Variants in GOLGA3 observed in about 807,000 individuals in gnomAD.
The protein encoded by GOLGA3 is golgin A3, also known as golgin subfamily A member 3.
Under a neutral mutation model 169.4 loss-of-function variants are expected in GOLGA3, and 75 were observed. The observed-to-expected ratio is 0.44, with a 90% confidence interval of 0.37 to 0.54. The LOEUF is 0.54. Ranked by LOEUF, GOLGA3 falls within the 20% of genes least tolerant of loss-of-function variation. The pLI is 0.00. For synonymous variants in GOLGA3, 824 were observed against 822.4 expected, an observed-to-expected ratio of 1.00 and a Z score of -0.03; for missense variants, 1,899 against 1,930.0, an observed-to-expected ratio of 0.98 and a Z score of 0.30.
intron 11 of GOLGA3, among the ~76,000 whole-genome samples, chr12:132,795,184 T>G (rs1315525611): frequency 1.4e-5 from 1 of 70,702 alleles, no homozygotes; most frequent in Admixed American, 1.8e-4. Flanking sequence ...AGACTCCATC[T>G]CAAAAAAAAA....
At chr12:132,791,556 C>G (rs532253284) in intron 11 of GOLGA3, among the ~76,000 whole-genome samples, 1 of 151,430 alleles carries the variant, frequency 6.6e-6, no homozygotes, top group South Asian at 2.1e-4. Flanking sequence ...GCCACATCTG[C>G]AGCGATGTTA....
In GOLGA3 at chr12:132,782,440, G is replaced by A. The variant is rs763018526; in HGVS notation, c.3321C>T (p.Asn1107=). Residue 1107 remains asparagine, a synonymous_variant, in exon 17 of 24, where the codon AAC becomes AAT. Coordinates refer to ENST00000450791, the MANE Select transcript of GOLGA3 (RefSeq NM_001389683.1). ...RKKIKRLEES[N]KKLALELEHE... ...GCTCTAATTCAAGAGCCAACTTCTT[G>A]TTTGACTCCTCAAGGCGTTTTATCT... 6.8e-6 allele frequency: 11 copies of A among 1,613,974 alleles called. No individual in the cohort carries two copies. Among genetic ancestry groups the A allele is most frequent in the Non-Finnish European group, 9.3e-6 (11 of 1,179,918 alleles).
At chr12:132,788,416 G>A (rs2046038989) in intron 13 of GOLGA3, among the ~76,000 whole-genome samples, 3 of 152,176 alleles carry the variant, frequency 2.0e-5, no homozygotes, top group African/African-American at 4.8e-5. Flanking sequence ...CAGCCTGGAT[G>A]TCTGGACAGG....
chr12:132,804,608 A>C lies in GOLGA3; in HGVS notation c.1597+108T>G, dbSNP rs1248685728. 1.1e-6 allele frequency: 1 copy of C among 881,132 alleles called. No individual in the cohort carries two copies. Among genetic ancestry groups the C allele is most frequent in the Admixed American group, 2.0e-5 (1 of 49,828 alleles). The allele number at this position is 881,132 out of a possible 1,614,324, so 54.6% of individuals were successfully genotyped here. A position where few individuals can be genotyped will look rare whatever the true frequency, so the allele number is the denominator to read the frequency against. On this transcript the variant is annotated intron_variant, in intron 7 of 23. Coordinates refer to ENST00000450791, the MANE Select transcript of GOLGA3 (RefSeq NM_001389683.1). This position sits in a 1 kb window ranked among gnomAD's most constrained non-coding sequence, Gnocchi z 4.1. ...GTCGAGGAAGGAGGAGGGAGCAGCA[A>C]GGACCAGTCAGGGAAGGAGGAGGGC...
At position 132,769,312 on chromosome 12, in the gene GOLGA3, T is replaced by G. The variant is rs2044789709; in HGVS notation, c.*3793A>C. On this transcript the variant is annotated 3_prime_UTR_variant, in exon 24 of 24. Transcript: ENST00000450791. ...CTCTCAGATTTGCTGGTCCCTCCCC[T>G]CCTAGAATCTTCACGTACAACATTC... 2.0e-5 allele frequency: 3 copies of G among 152,212 alleles called. No individual in the cohort carries two copies. The highest frequency in any genetic ancestry group is 4.4e-5 in the Non-Finnish European group (3 of 68,034). 9.4% of individuals were successfully genotyped at this position (152,212 alleles called of 1,614,324 possible).
At position 132,777,575 on chromosome 12, in the gene GOLGA3, A is replaced by T; in HGVS notation, c.3722+91T>A. The T allele has an allele frequency of 3.5e-6, 5 of 1,432,784 alleles. No homozygotes were observed. The Middle Eastern group carries it at 5.5e-4, about 158-fold the overall frequency. The allele number at this position is 1,432,784 out of a possible 1,614,324, so 88.8% of individuals were successfully genotyped here. A position where few individuals can be genotyped will look rare whatever the true frequency, so the allele number is the denominator to read the frequency against. ...AAGTACTCGGCAATTTGCAAAATAT[A>T]GATGACCCTCGCTGTGCTGAAGGTG... On this transcript the variant is annotated intron_variant, in intron 19 of 23. Coordinates refer to ENST00000450791, the MANE Select transcript of GOLGA3 (RefSeq NM_001389683.1). This position sits in a 1 kb window ranked among gnomAD's most constrained non-coding sequence, Gnocchi z 4.7.
At chr12:132,773,441 CTGTTCT>C in intron 23 of GOLGA3, 147 bp from the exon 24 acceptor site, 24 of 445,830 alleles carry the variant, frequency 5.4e-5, no homozygotes, top group South Asian at 4.9e-4. Flanking sequence ...AGAAGCTCAG[CTGTTCT>C]CAGCACCGTT....
intron 1 of GOLGA3, 74 bp from the exon 2 acceptor site, chr12:132,822,385 G>A: frequency 1.1e-6 from 1 of 883,258 alleles, no homozygotes; most frequent in Non-Finnish European, 1.6e-6. Context: ...ATTAGCATTT[G>A]GTTCCCAATT....
At chr12:132,826,090 G>A (rs1261036830) in intron 1 of GOLGA3, 4 of 1,471,484 alleles carry the variant, frequency 2.7e-6, no homozygotes, top group Non-Finnish European at 3.8e-6. Context: ...CAGTGGGCGA[G>A]TGCCGGCCTT....
chr12:132,821,099 CAAAA>C (rs61336622), intron 2 of GOLGA3, among the ~76,000 whole-genome samples: 2 of 49,338 alleles, frequency 4.1e-5, no homozygotes, highest in Non-Finnish European at 6.9e-5. Flanking sequence ...GACACCGTCT[CAAAA>C]AAAAAAAAAA....
rs1173612842 is a variant in GOLGA3 at position 132,777,875 on chromosome 12, G to A, written c.3583-70C>T. The A allele has an allele frequency of 1.9e-6, 3 of 1,541,836 alleles. No individual in the cohort carries two copies. The highest frequency in any genetic ancestry group is 1.8e-5 in the Admixed American group (1 of 56,030). ...ACAGCTTTATGACGTGCCGGGCGCA[G>A]GGGGTGAATGCACTCCCGGCCCCGT... On this transcript the variant is annotated intron_variant, in intron 18 of 23. Transcript: ENST00000450791. The surrounding 1 kb of genome is among the most constrained non-coding windows in gnomAD (Gnocchi z 4.7).
At position 132,778,014 on chromosome 12, in the gene GOLGA3, T is replaced by C. The variant is rs553491650; in HGVS notation, c.3583-209A>G. 2.6e-5 allele frequency among the ~76,000 whole-genome samples: 4 copies of C among 152,390 alleles called. No individual in the cohort carries two copies. In the South Asian group the frequency reaches 8.3e-4, roughly 32 times the overall value. On this transcript the variant is annotated intron_variant, in intron 18 of 23. Coordinates refer to ENST00000450791, the MANE Select transcript of GOLGA3 (RefSeq NM_001389683.1). Reference sequence around the variant, plus strand: ...AGCAAGTGCACACTTATGTGGCTGCTGCTATCTGTTGAATGAACACATTTA... The same window carrying C: ...AGCAAGTGCACACTTATGTGGCTGCCGCTATCTGTTGAATGAACACATTTA...
intron 1 of GOLGA3, among the ~76,000 whole-genome samples, 197 bp from the exon 2 acceptor site, chr12:132,822,508 T>C (rs944503538): frequency 3.3e-5 from 5 of 152,262 alleles, no homozygotes; most frequent in Non-Finnish European, 5.9e-5. Flanking sequence ...ACTGGGCCCT[T>C]TCCTGAAGGA....
chr12:132,799,531 T>C (rs996625796), intron 8 of GOLGA3, among the ~76,000 whole-genome samples: 2 of 152,076 alleles, frequency 1.3e-5, no homozygotes, highest in African/African-American at 2.4e-5. Flanking sequence ...TCCCAGCTAC[T>C]TGGGGGGCTG....
In GOLGA3 at chr12:132,792,757, CGG is replaced by C. The variant is rs1566096957; in HGVS notation, c.2470-1466_2470-1465del. The stretch of plus-strand genomic sequence containing the variant: ...GGACCTGCACTCGGAGGGCTCCACA[CGG>C]ACTGACCGCACGGGACCTGCACTCG... On this transcript the variant is annotated intron_variant, in intron 11 of 23. Coordinates refer to ENST00000450791, the MANE Select transcript of GOLGA3 (RefSeq NM_001389683.1). 4.0e-4 allele frequency among the ~76,000 whole-genome samples: 52 copies of C among 131,014 alleles called. 8 individuals are homozygous for C. Among genetic ancestry groups the C allele is most frequent in the Non-Finnish European group, 5.8e-4 (35 of 60,594 alleles). The allele number at this position is 131,014 out of a possible 152,430, so 86.0% of individuals were successfully genotyped here.
At chr12:132,813,491 G>C in intron 3 of GOLGA3, 72 bp from the exon 4 acceptor site, 1 of 815,404 alleles carries the variant, frequency 1.2e-6, no homozygotes, top group Non-Finnish European at 2.0e-6. Flanking sequence ...ACAAGAACTT[G>C]GTCATTTTGT....
At chr12:132,826,093 C>T in intron 1 of GOLGA3, 1 of 1,479,146 alleles carries the variant, frequency 6.8e-7, no homozygotes, top group Non-Finnish European at 9.5e-7. Flanking sequence ...TGGGCGAGTG[C>T]CGGCCTTGCC....
Position 132,789,195 on chromosome 12 carries a change from C to G in GOLGA3, c.2643G>C (p.Lys881Asn). Reference protein sequence around the residue: ...ATRKRLDSELKELRQELMQVH... With the variant: ...ATRKRLDSELNELRQELMQVH... ...CTTGCATCAGCTCCTGCCGCAGCTC[C>G]TTCAGCTCCGAGTCCAGCCTCTTCC... is the stretch of plus-strand genomic sequence containing the variant. The change falls in exon 13 of 24, where the codon AAG becomes AAC. Residue 881 changes from lysine to asparagine, a missense_variant. Physicochemically the swap from Lys to Asn is moderately conservative, Grantham distance 94 (BLOSUM62 0). Coordinates refer to ENST00000450791, the MANE Select transcript of GOLGA3 (RefSeq NM_001389683.1). 6.2e-7 allele frequency: 1 copy of G among 1,611,546 alleles called. No homozygotes were observed. Among genetic ancestry groups the G allele is most frequent in the Non-Finnish European group, 8.5e-7 (1 of 1,180,028 alleles).
chr12:132,813,721 C>CT lies in GOLGA3; in HGVS notation c.407-303dup, dbSNP rs10717082. Among the ~76,000 whole-genome samples the CT allele has an allele frequency of 2.7e-3, 211 of 78,850 alleles. 2 individuals carry two copies. The highest frequency in any genetic ancestry group is 9.5e-3 in the African/African-American group (198 of 20,828). The allele number at this position is 78,850 out of a possible 152,430, so 51.7% of individuals were successfully genotyped here. On this transcript the variant is annotated intron_variant, in intron 3 of 23. Transcript: ENST00000450791. ...TAAAACAGGAAATGGCAGCAAGTGC[C>CT]TTTTTTTTTTTTTTTTTTTTTGAGA...
Sources: allele counts gnomAD v4.1 joint callset (sites outside exome capture counted in the v4.1 genomes callset), GRCh38; gene constraint gnomAD v4.1.1; non-coding constraint Gnocchi (gnomAD v3.1); transcripts MANE v1.5; gene names NCBI Gene and HGNC (gene_info 2026-07-23, HGNC 2026-07-21).